Variants in LAMA3 observed in about 807,000 individuals in gnomAD.
LAMA3 encodes laminin subunit alpha 3, also known as laminin subunit alpha-3.
LAMA3 carries 281 observed loss-of-function variants against 402.0 expected under a neutral mutation model. That is an observed-to-expected ratio of 0.70 (90% CI 0.63 to 0.77). The LOEUF (loss-of-function observed/expected upper bound fraction) is 0.77. Among genes scored for constraint, LAMA3 ranks in the 30% least tolerant of loss-of-function variants. The probability of loss-of-function intolerance (pLI) is 0.00; values close to 1 mark genes in which losing one functional copy is unlikely to be tolerated. For missense variants in LAMA3, 3,840 were observed against 4,215.5 expected, an observed-to-expected ratio of 0.91 and a Z score of 2.47; for synonymous variants, 1,431 against 1,558.4, an observed-to-expected ratio of 0.92 and a Z score of 1.93.
At chr18:23,797,024 C>A (rs187909072) in intron 12 of LAMA3, among the ~76,000 whole-genome samples, 1 of 152,148 alleles carries the variant, frequency 6.6e-6, no homozygotes, top group South Asian at 2.1e-4. Flanking sequence ...CTGCTGGATT[C>A]TCTGTGGTCT....
intron 11 of LAMA3, among the ~76,000 whole-genome samples, chr18:23,779,097 A>T (rs1454434453): frequency 6.6e-6 from 1 of 152,090 alleles, no homozygotes; most frequent in Admixed American, 6.5e-5. Context: ...GTGAAAGTGG[A>T]GTGAGGGAAG....
Position 23,689,756 on chromosome 18 carries a change from G to T in LAMA3, c.73G>T (p.Val25Leu), listed in dbSNP as rs1033783069. 17 of 1,521,344 alleles carry T rather than the reference G, an allele frequency of 1.1e-5. No homozygotes were observed. Among genetic ancestry groups the T allele is most frequent in the Non-Finnish European group, 1.5e-5 (17 of 1,137,554 alleles). 94.2% of individuals were successfully genotyped at this position (1,521,344 alleles called of 1,614,324 possible). The part of the protein sequence containing the change: ...VLPPTPLLLL[V>L]LRVLPACGAT... ...GCCGCCGACGCCGCTGCTCCTGCTG[G>T]TACTGCGGGTGCTGCCAGCCTGCGG... The change falls in exon 1 of 75, where the codon GTA becomes TTA. Residue 25 changes from valine to leucine, a missense_variant. This residue lies in a region of LAMA3 where 2,109 missense variants were observed against 2,376.0 expected (regional missense o/e 0.89). Transcript: ENST00000313654.
intron 39 of LAMA3, among the ~76,000 whole-genome samples, chr18:23,877,896 G>T (rs1408568210): frequency 6.6e-6 from 1 of 152,114 alleles, no homozygotes; most frequent in East Asian, 1.9e-4. Flanking sequence ...TGAATCACGA[G>T]GTCAGGAGTT....
rs146765929 is a variant in LAMA3 at position 23,855,775 on chromosome 18, A to G, written c.4137-2069A>G. On this transcript the variant is annotated intron_variant, in intron 32 of 74. Transcript: ENST00000313654. ...ACTTCAAGCAGAACATTTACACTCTATACCTACATTACTCTAAGTGTGGTT... is the reference window on the plus strand; with the variant it reads ...ACTTCAAGCAGAACATTTACACTCTGTACCTACATTACTCTAAGTGTGGTT... Among the ~76,000 whole-genome samples, 354 of 152,286 alleles carry G rather than the reference A, an allele frequency of 2.3e-3. 1 individual carries two copies. Among genetic ancestry groups the G allele is most frequent in the African/African-American group, 8.3e-3 (343 of 41,556 alleles).
intron 36 of LAMA3, among the ~76,000 whole-genome samples, chr18:23,866,588 T>G (rs918186153): frequency 6.6e-6 from 1 of 152,234 alleles, no homozygotes; most frequent in Non-Finnish European, 1.5e-5. Context: ...GTGCTGTATT[T>G]CAGTTTCATG....
chr18:23,899,530 G>A, intron 47 of LAMA3, 75 bp downstream of exon 47: 1 of 1,443,432 alleles, frequency 6.9e-7, no homozygotes, highest in Non-Finnish European at 9.7e-7. Flanking sequence ...GTGCAATGTA[G>A]AGTTCCCCGT....
intron 1 of LAMA3, among the ~76,000 whole-genome samples, chr18:23,701,620 G>T (rs1400751796): frequency 1.3e-5 from 2 of 152,196 alleles, no homozygotes; most frequent in East Asian, 3.8e-4. Flanking sequence ...TAGGTTTATA[G>T]TAGTGAGCAA....
intron 14 of LAMA3, 83 bp from the exon 15 acceptor site, chr18:23,814,320 G>A: frequency 9.6e-7 from 1 of 1,036,712 alleles, no homozygotes; most frequent in East Asian, 2.4e-5. Context: ...ATATGTTTCT[G>A]TGACAAGTCT....
chr18:23,954,420 AAAAT>A, intron 74 of LAMA3, 79 bp from the exon 75 acceptor site: 1 of 1,268,386 alleles, frequency 7.9e-7, no homozygotes, highest in Non-Finnish European at 1.1e-6. Context: ...AAAAAAAAAA[AAAAT>A]ACTATCTTTT....
intron 2 of LAMA3, among the ~76,000 whole-genome samples, chr18:23,726,742 C>G (rs1003047178): frequency 6.6e-6 from 1 of 152,140 alleles, no homozygotes; most frequent in African/African-American, 2.4e-5. Context: ...CTCAGCCTCT[C>G]CAGTAGCGGG....
intron 9 of LAMA3, among the ~76,000 whole-genome samples, chr18:23,775,112 T>C (rs1423559140): frequency 2.0e-5 from 3 of 152,208 alleles, no homozygotes; most frequent in Non-Finnish European, 2.9e-5. Flanking sequence ...AGGAGATGTA[T>C]TCAGATGAGC....
intron 5 of LAMA3, among the ~76,000 whole-genome samples, chr18:23,752,070 A>G (rs2143587811): frequency 6.6e-6 from 1 of 152,328 alleles, no homozygotes. Context: ...AGGGAAAAGT[A>G]TAAGTATTGC....
intron 70 of LAMA3, chr18:23,946,680 G>A (rs1434608475): frequency 5.3e-6 from 1 of 188,296 alleles, no homozygotes; most frequent in East Asian, 1.3e-4. Context: ...GTAAAACATT[G>A]GCTTAACTGT....
intron 14 of LAMA3, among the ~76,000 whole-genome samples, 155 bp from the exon 15 acceptor site, chr18:23,814,248 C>G (rs1313251488): frequency 6.6e-6 from 1 of 152,240 alleles, no homozygotes; most frequent in Non-Finnish European, 1.5e-5. Flanking sequence ...AATTAGCAGA[C>G]TGTTGAAATC....
chr18:23,872,934 A>G (rs1274309489), intron 38 of LAMA3: 7 of 1,412,992 alleles, frequency 5.0e-6, no homozygotes, highest in African/African-American at 2.8e-5. Flanking sequence ...CCCCTGCCGC[A>G]GACAGCCTTC....
intron 41 of LAMA3, among the ~76,000 whole-genome samples, chr18:23,889,767 T>C (rs757403563): frequency 3.3e-5 from 5 of 151,444 alleles, no homozygotes; most frequent in Non-Finnish European, 7.4e-5. Context: ...TAGGAAATAT[T>C]AAGAAACTCC....
At chr18:23,730,860 T>C (rs745523566) in intron 2 of LAMA3, among the ~76,000 whole-genome samples, 2 of 152,238 alleles carry the variant, frequency 1.3e-5, no homozygotes, top group African/African-American at 4.8e-5. Context: ...GAAGTATTTC[T>C]TGTTTTACAT....
intron 12 of LAMA3, among the ~76,000 whole-genome samples, chr18:23,792,908 A>T (rs796456094): frequency 6.6e-6 from 1 of 152,100 alleles, no homozygotes; most frequent in African/African-American, 2.4e-5. Flanking sequence ...GTTTTATAAT[A>T]GAGTGTATTA....
rs12958312 is a variant in LAMA3 at position 23,784,372 on chromosome 18, A to T, written c.1603+215A>T. On this transcript the variant is annotated intron_variant, in intron 12 of 74. Transcript: ENST00000313654. ...TGCCTCCTCCCTGGTAGTTAAGCAC[A>T]TGGACTCTGAAATAATCTGTTTGGG... Among the ~76,000 whole-genome samples, 73,119 of 151,898 alleles carry T rather than the reference A, an allele frequency of 0.48. 19,354 individuals are homozygous for T. Among genetic ancestry groups the T allele is most frequent in the Non-Finnish European group, 0.61 (41,260 of 67,916 alleles).
Sources: gnomAD v4.1 joint callset for allele counts (sites outside exome capture counted in the v4.1 genomes callset) on GRCh38, gnomAD v4.1.1 for gene constraint, gnomAD v4.1.1 regional missense constraint, MANE v1.5 for transcripts, NCBI Gene and HGNC (gene_info 2026-07-23, HGNC 2026-07-21) for gene names.